ZSWIM4: variants seen among roughly 807,000 people sequenced by gnomAD.
ZSWIM4 encodes zinc finger SWIM-type containing 4, also known as zinc finger SWIM domain-containing protein 4.
ZSWIM4 carries 62 observed loss-of-function variants against 102.5 expected under a neutral mutation model. The ratio of observed to expected loss-of-function variants is 0.60; its 90% CI spans 0.49 to 0.75. ZSWIM4 has a LOEUF of 0.75. Among genes scored for constraint, ZSWIM4 ranks in the 30% least tolerant of loss-of-function variants. ZSWIM4 has a pLI of 0.00. For synonymous variants in ZSWIM4, 652 were observed against 674.5 expected, an observed-to-expected ratio of 0.97 and a Z score of 0.52; for missense variants, 1,280 against 1,529.6, an observed-to-expected ratio of 0.84 and a Z score of 2.72.
chr19:13,804,372 A>T (rs1205839158), intron 2 of ZSWIM4, among the ~76,000 whole-genome samples: 1 of 152,026 alleles, frequency 6.6e-6, no homozygotes, highest in Non-Finnish European at 1.5e-5. Flanking sequence ...CGGGAAGCTG[A>T]GGCAGGAGAA....
At chr19:13,802,054 C>G (rs570211093) in intron 2 of ZSWIM4, among the ~76,000 whole-genome samples, 1 of 150,430 alleles carries the variant, frequency 6.6e-6, no homozygotes, top group East Asian at 2.0e-4. Flanking sequence ...CGGCTTACTG[C>G]AACCTCCACT....
chr19:13,820,188 C>T (rs1048459691), intron 10 of ZSWIM4, among the ~76,000 whole-genome samples: 8 of 152,062 alleles, frequency 5.3e-5, no homozygotes, highest in East Asian at 1.9e-4. Context: ...TAAGCCACCT[C>T]GCACAGCCGT....
In ZSWIM4 at chr19:13,814,757, C is replaced by T. The variant is rs1293830386; in HGVS notation, c.1423C>T (p.Arg475Cys). ...TGCCTGTGCCCGTGTGGACACCCTGCGTGCCCACGGATACCCCCGCCAGGC... is the reference window on the plus strand; with the variant it reads ...TGCCTGTGCCCGTGTGGACACCCTGTGTGCCCACGGATACCCCCGCCAGGC... ...PTACARVDTLRAHGYPRQALR... is the reference protein window; with the variant it reads ...PTACARVDTLCAHGYPRQALR... The change falls in exon 7 of 14, where the codon CGT becomes TGT. Residue 475 changes from arginine (R) to cysteine (C), a missense_variant. Transcript: ENST00000590508. 5.4e-6 allele frequency: 7 copies of T among 1,287,870 alleles called. No homozygotes were observed. Among genetic ancestry groups the T allele is most frequent in the East Asian group, 5.6e-5 (1 of 17,934 alleles). 79.8% of individuals were successfully genotyped at this position (1,287,870 alleles called of 1,614,324 possible).
In ZSWIM4 at chr19:13,809,189, G is replaced by T; in HGVS notation, c.981G>T (p.Thr327=). Residue 327 remains threonine (T), a synonymous_variant, in exon 5 of 14, where the codon ACG becomes ACT. Transcript: ENST00000590508. This position sits in a 1 kb window ranked among gnomAD's most constrained non-coding sequence, Gnocchi z 4.2. ...ALWRQQGAGM[T]DKCRQLWDEL... ...GGCGGCAGCAGGGCGCGGGCATGAC[G>T]GACAAGTGCCGGCAGCTCTGGGATG... 1 of 1,611,060 alleles carries T rather than the reference G, an allele frequency of 6.2e-7. No individual in the cohort carries two copies. The highest frequency in any genetic ancestry group is 1.3e-5 in the African/African-American group (1 of 75,026).
intron 10 of ZSWIM4, among the ~76,000 whole-genome samples, chr19:13,822,460 A>C (rs1435770414): frequency 1.3e-5 from 2 of 152,206 alleles, no homozygotes; most frequent in African/African-American, 4.8e-5. Flanking sequence ...GTGTCCAGAA[A>C]TGGTTTTATT....
chr19:13,801,299 A>G (rs1470794024), intron 2 of ZSWIM4, among the ~76,000 whole-genome samples: 1 of 152,182 alleles, frequency 6.6e-6, no homozygotes, highest in African/African-American at 2.4e-5. Flanking sequence ...AAGTGCTCCT[A>G]GAGCCCTAGA....
rs143059094 is a variant in ZSWIM4, at chr19:13,812,966, G to T, written c.1013-31G>T. ...GTGTGTGTTGCTGCCACTGTTGGCA[G>T]GAATATTGAGCCTGCCCCGTGCCTC... On this transcript the variant is annotated intron_variant, in intron 5 of 13. Transcript: ENST00000590508. 2.5e-3 allele frequency: 3,908 copies of T among 1,571,246 alleles called. 93 individuals are homozygous for T. The African/African-American group carries it at 0.048, about 19-fold the overall frequency.
At chr19:13,803,233 C>T (rs1974821345) in intron 2 of ZSWIM4, among the ~76,000 whole-genome samples, 1 of 152,236 alleles carries the variant, frequency 6.6e-6, no homozygotes, top group South Asian at 2.1e-4. Context: ...CCCTGCATGA[C>T]CCAGGCTGGG....
intron 13 of ZSWIM4, among the ~76,000 whole-genome samples, chr19:13,829,256 G>C (rs1346451295): frequency 6.6e-6 from 1 of 152,072 alleles, no homozygotes; most frequent in East Asian, 1.9e-4. Context: ...ACTCCAGCCT[G>C]AGTGGCAGGG....
In ZSWIM4 at chr19:13,814,797, G is replaced by A; in HGVS notation, c.1463G>A (p.Ser488Asn). ...CCCCGCCAGGCCCTGCGGCTGGCAA[G>A]TGCCATCATCAACACACTCCGGCTG... ...GYPRQALRLA[S>N]AIINTLRLQQ... Residue 488 changes from serine (S) to asparagine (N), a missense_variant, in exon 7 of 14, where the codon AGT becomes AAT. By Grantham distance (46) the Ser-to-Asn change is conservative (BLOSUM62 1). Transcript: ENST00000590508. The A allele has an allele frequency of 1.6e-6, 2 of 1,284,562 alleles. No homozygotes were observed. Among genetic ancestry groups the A allele is most frequent in the Non-Finnish European group, 2.0e-6 (2 of 984,836 alleles). The allele number at this position is 1,284,562 out of a possible 1,614,324, so 79.6% of individuals were successfully genotyped here.
At chr19:13,812,576 C>T (rs889546390) in intron 5 of ZSWIM4, among the ~76,000 whole-genome samples, 2 of 151,244 alleles carry the variant, frequency 1.3e-5, no homozygotes, top group Non-Finnish European at 2.9e-5. Flanking sequence ...TCTCCTGCCT[C>T]AGCCTCCTGA....
Position 13,830,522 on chromosome 19 carries a change from C to T in ZSWIM4, c.2793C>T (p.His931=). ...HLFTVARYME[H]RGLPLRAYKL... is the part of the protein sequence containing the mutation. ...TCACTGTGGCCCGCTATATGGAGCA[C>T]CGCGGGCTGCCGCTCCGGGCCTACA... Residue 931 remains histidine, a synonymous_variant, in exon 14 of 14, where the codon CAC becomes CAT. Coordinates refer to ENST00000590508, the MANE Select transcript of ZSWIM4 (RefSeq NM_001367834.3). 3.8e-6 allele frequency: 6 copies of T among 1,599,478 alleles called. No individual in the cohort carries two copies. Among genetic ancestry groups the T allele is most frequent in the African/African-American group, 1.3e-5 (1 of 75,028 alleles).
At chr19:13,823,539 C>T (rs754889678) in intron 11 of ZSWIM4, 39 bp downstream of exon 11, 2 of 1,544,890 alleles carry the variant, frequency 1.3e-6, no homozygotes, top group South Asian at 2.4e-5. Context: ...TGTCTTCCTC[C>T]TCTGTCATCT....
intron 10 of ZSWIM4, among the ~76,000 whole-genome samples, chr19:13,819,907 G>T (rs563437611): frequency 2.5e-4 from 38 of 149,574 alleles, no homozygotes; most frequent in African/African-American, 8.6e-4. Context: ...GCAGTGGCGC[G>T]ATCTCGGCCC....
chr19:13,796,128 AC>A (rs1309597784), intron 1 of ZSWIM4, among the ~76,000 whole-genome samples: 4 of 143,978 alleles, frequency 2.8e-5, no homozygotes, highest in Non-Finnish European at 4.6e-5. Flanking sequence ...AACCCTGGGC[AC>A]CCCTCTTTTC....
chr19:13,829,901 C>G (rs939034180), intron 13 of ZSWIM4, among the ~76,000 whole-genome samples: 9 of 151,816 alleles, frequency 5.9e-5, no homozygotes, highest in Non-Finnish European at 1.3e-4. Flanking sequence ...AGGGCTTGGC[C>G]GGGAGGGAAT....
At chr19:13,817,054 C>A (rs562128372) in intron 7 of ZSWIM4, among the ~76,000 whole-genome samples, 162 bp from the exon 8 acceptor site, 1 of 151,854 alleles carries the variant, frequency 6.6e-6, no homozygotes, top group Non-Finnish European at 1.5e-5. Context: ...GGGCAATAAG[C>A]GAGACCCCAC....
chr19:13,823,638 G>A lies in ZSWIM4; in HGVS notation c.2215+138G>A, dbSNP rs560647215. 68 of 1,042,532 alleles carry A rather than the reference G, an allele frequency of 6.5e-5. No individual in the cohort carries two copies. The Admixed American group carries it at 1.3e-3, about 20-fold the overall frequency. The allele number at this position is 1,042,532 out of a possible 1,614,324, so 64.6% of individuals were successfully genotyped here. A position where few individuals can be genotyped will look rare whatever the true frequency, so the allele number is the denominator to read the frequency against. ...TCTTTGAGCACCTCCTATATGTACC[G>A]GACACTGTCTCAGGTGCTGGGGATG... On this transcript the variant is annotated intron_variant, in intron 11 of 13. Coordinates refer to ENST00000590508, the MANE Select transcript of ZSWIM4 (RefSeq NM_001367834.3).
chr19:13,817,843 C>T lies in ZSWIM4; in HGVS notation c.1791C>T (p.Ala597=), dbSNP rs1353239838. ...TGCTGGGGCTGGGGCAGCAGCGGGC[C>T]CTGCCGGAGGGGCTGTACGCCCAGG... The part of the protein sequence containing the change: ...VALLGLGQQR[A]LPEGLYAQDK... Residue 597 remains alanine (A), a synonymous_variant, in exon 9 of 14, where the codon GCC becomes GCT. Coordinates refer to ENST00000590508, the MANE Select transcript of ZSWIM4 (RefSeq NM_001367834.3). The T allele has an allele frequency of 1.3e-6, 2 of 1,564,352 alleles. No individual in the cohort carries two copies. The highest frequency in any genetic ancestry group is 1.7e-6 in the Non-Finnish European group (2 of 1,154,560).
Sources: gnomAD v4.1 joint callset for allele counts (sites outside exome capture counted in the v4.1 genomes callset) on GRCh38, gnomAD v4.1.1 for gene constraint, Gnocchi (gnomAD v3.1) non-coding constraint, MANE v1.5 for transcripts, NCBI Gene and HGNC (gene_info 2026-07-23, HGNC 2026-07-21) for gene names.